Variants in NPHP4 observed in about 807,000 individuals in gnomAD.
NPHP4 encodes the protein nephrocystin-4.
NPHP4 carries 151 observed loss-of-function variants against 155.8 expected under a neutral mutation model. The ratio of observed to expected loss-of-function variants is 0.97; its 90% CI spans 0.85 to 1.11. The LOEUF is 1.11. Ranked by LOEUF, NPHP4 falls within the 50% of genes least tolerant of loss-of-function variation. The pLI, the probability that NPHP4 is intolerant of heterozygous loss-of-function variation, is 0.00. For synonymous variants in NPHP4, 845 were observed against 816.8 expected, an observed-to-expected ratio of 1.03 and a Z score of -0.59; for missense variants, 1,956 against 1,925.7, an observed-to-expected ratio of 1.02 and a Z score of -0.29.
rs1393116554 is a variant in NPHP4, at chr1:5,890,866, A to G, written c.2304+2T>C. 3 of 1,607,484 alleles carry G rather than the reference A, an allele frequency of 1.9e-6. No individual in the cohort carries two copies. The highest frequency in any genetic ancestry group is 2.6e-6 in the Non-Finnish European group (3 of 1,176,064). On this transcript the variant is annotated splice_donor_variant, in intron 17 of 29. Coordinates refer to ENST00000378156, the MANE Select transcript of NPHP4 (RefSeq NM_015102.5). LOFTEE classifies it high-confidence loss of function. The surrounding 1 kb of genome is among the most constrained non-coding windows in gnomAD (Gnocchi z 4.9). ...GTGCCTGTCCTTCCAGAGAGCCGCTACCTTCATCTGGACGGCAGCAGATCC... is the reference window on the plus strand; with the variant it reads ...GTGCCTGTCCTTCCAGAGAGCCGCTGCCTTCATCTGGACGGCAGCAGATCC...
At chr1:5,921,157 G>A (rs950275448) in intron 11 of NPHP4, among the ~76,000 whole-genome samples, 2 of 152,192 alleles carry the variant, frequency 1.3e-5, no homozygotes, top group Admixed American at 6.5e-5. Context: ...CAGAACTTGT[G>A]TTCATTCAAC....
intron 9 of NPHP4, among the ~76,000 whole-genome samples, chr1:5,943,387 C>G (rs913709361): frequency 3.3e-5 from 5 of 152,188 alleles, no homozygotes; most frequent in Admixed American, 1.3e-4. Flanking sequence ...TCCATGTTCT[C>G]ATCAGCCCAG....
chr1:5,968,669 T>C (rs933878975), intron 4 of NPHP4, among the ~76,000 whole-genome samples: 3 of 151,460 alleles, frequency 2.0e-5, no homozygotes, highest in African/African-American at 7.3e-5. Flanking sequence ...GACACACAAC[T>C]TTAGATGACA....
Position 5,936,296 on chromosome 1 carries a change from C to T in NPHP4, c.1120-2967G>A, listed in dbSNP as rs75512417. Among the ~76,000 whole-genome samples, 93 of 152,324 alleles carry T rather than the reference C, an allele frequency of 6.1e-4. No individual in the cohort carries two copies. In the East Asian group the frequency reaches 0.014, roughly 24 times the overall value. Reference sequence around the variant, plus strand: ...AATGGGGGCCTGGTGGGAAGCCAGTCGCCATGTATTTGCCCACACTTGCTC... The same window carrying T: ...AATGGGGGCCTGGTGGGAAGCCAGTTGCCATGTATTTGCCCACACTTGCTC... On this transcript the variant is annotated intron_variant, in intron 9 of 29. Transcript: ENST00000378156.
chr1:5,968,862 C>T (rs867646368), intron 4 of NPHP4, among the ~76,000 whole-genome samples: 55 of 152,136 alleles, frequency 3.6e-4, no homozygotes, highest in African/African-American at 1.1e-3. Flanking sequence ...GGCAAAACCC[C>T]GTCTCTACTA....
In NPHP4 at chr1:5,882,538, C is replaced by T. The variant is rs1570209432; in HGVS notation, c.2486-2299G>A. On this transcript the variant is annotated intron_variant, in intron 18 of 29. Transcript: ENST00000378156. The surrounding 1 kb of genome is among the most constrained non-coding windows in gnomAD (Gnocchi z 5.1). ...TGCTGACTTCCCCCTCGGCCCAGGTCCCTGCTACATCCCCATAAAGACGCA... is the reference window on the plus strand; with the variant it reads ...TGCTGACTTCCCCCTCGGCCCAGGTTCCTGCTACATCCCCATAAAGACGCA... 6.5e-6 allele frequency: 1 copy of T among 152,982 alleles called. No individual in the cohort carries two copies. The highest frequency in any genetic ancestry group is 2.4e-5 in the African/African-American group (1 of 41,586). 9.5% of individuals were successfully genotyped at this position (152,982 alleles called of 1,614,324 possible).
chr1:5,907,594 G>T (rs115549008), intron 12 of NPHP4, among the ~76,000 whole-genome samples: 1 of 152,352 alleles, frequency 6.6e-6, no homozygotes, highest in South Asian at 2.1e-4. Context: ...AGTTCTAGCC[G>T]CCTGCGTTCC....
chr1:5,865,281 G>T lies in NPHP4; in HGVS notation c.3645-8C>A. ...GTCGCCAGCCAGCGATCCCTGCAGT[G>T]GGATGGGAGCCATCTGCACTTGTCC... On this transcript the variant is annotated splice_polypyrimidine_tract_variant and splice_region_variant and intron_variant, in intron 26 of 29. Transcript: ENST00000378156. The T allele has an allele frequency of 6.5e-7, 1 of 1,539,978 alleles. No individual in the cohort carries two copies. Among genetic ancestry groups the T allele is most frequent in the Non-Finnish European group, 8.8e-7 (1 of 1,135,538 alleles).
At chr1:5,883,553 C>T (rs1490103720) in intron 18 of NPHP4, among the ~76,000 whole-genome samples, 4 of 152,216 alleles carry the variant, frequency 2.6e-5, no homozygotes, top group African/African-American at 9.7e-5. Flanking sequence ...CTGTCACGTC[C>T]CGAGGACCTG....
At chr1:5,982,004 T>C (rs1191426568) in intron 2 of NPHP4, among the ~76,000 whole-genome samples, 1 of 152,278 alleles carries the variant, frequency 6.6e-6, no homozygotes, top group Non-Finnish European at 1.5e-5. Flanking sequence ...TTCGTCTTAT[T>C]TCTTCCTTTA....
chr1:5,967,506 C>G, intron 4 of NPHP4, 143 bp from the exon 5 acceptor site: 1 of 654,668 alleles, frequency 1.5e-6, no homozygotes, highest in Non-Finnish European at 2.7e-6. Flanking sequence ...GCAGAGGCAG[C>G]TGAGGCCAGC....
intron 13 of NPHP4, among the ~76,000 whole-genome samples, chr1:5,906,644 C>T (rs1357473388): frequency 1.3e-5 from 2 of 152,244 alleles, no homozygotes; most frequent in Non-Finnish European, 2.9e-5. Context: ...GGAAACCAAA[C>T]TCCATAGGAA....
In NPHP4 at chr1:5,867,823, A is replaced by C. The variant is rs752042066; in HGVS notation, c.3389T>G (p.Val1130Gly). 4 of 1,613,700 alleles carry C rather than the reference A, an allele frequency of 2.5e-6. No homozygotes were observed. The Admixed American group carries it at 5.0e-5, about 20-fold the overall frequency. The change falls in exon 24 of 30, where the codon GTG becomes GGG. Residue 1130 changes from valine to glycine, a missense_variant. By Grantham distance (109) the Val-to-Gly change is moderately radical. Transcript: ENST00000378156. The surrounding 1 kb of genome is among the most constrained non-coding windows in gnomAD (Gnocchi z 4.1). ...CLTVELQPHV[V>G]DQVFRFYHPE... Reference sequence around the variant, plus strand: ...GTGATAGAAGCGGAAGACCTGGTCCACCACGTGGGGCTGCAGCTCCACAGT... The same window carrying C: ...GTGATAGAAGCGGAAGACCTGGTCCCCCACGTGGGGCTGCAGCTCCACAGT...
intron 2 of NPHP4, among the ~76,000 whole-genome samples, chr1:5,984,609 A>G (rs1655190975): frequency 6.6e-6 from 1 of 152,220 alleles, no homozygotes; most frequent in South Asian, 2.1e-4. Context: ...AAATAAATGT[A>G]GGTATATTTA....
intron 11 of NPHP4, among the ~76,000 whole-genome samples, chr1:5,914,151 A>T (rs2101426486): frequency 6.7e-6 from 1 of 149,858 alleles, no homozygotes; most frequent in Admixed American, 6.7e-5. Flanking sequence ...TGGACATGGT[A>T]GCTCATGCCT....
At chr1:5,985,773 G>A (rs764181862) in intron 2 of NPHP4, among the ~76,000 whole-genome samples, 2 of 152,200 alleles carry the variant, frequency 1.3e-5, no homozygotes, top group Non-Finnish European at 2.9e-5. Context: ...AATCAATACA[G>A]ATGCTCTTTG....
At chr1:5,973,483 A>G (rs1652961474) in intron 3 of NPHP4, among the ~76,000 whole-genome samples, 2 of 152,180 alleles carry the variant, frequency 1.3e-5, no homozygotes, top group Non-Finnish European at 2.9e-5. Flanking sequence ...GCTACTTGGG[A>G]GGCTGAGGAG....
chr1:5,872,305 T>A (rs940875576), intron 23 of NPHP4, among the ~76,000 whole-genome samples: 2 of 152,172 alleles, frequency 1.3e-5, no homozygotes, highest in Non-Finnish European at 2.9e-5. Context: ...CTCACAACGG[T>A]AAGGCCCGTC....
In NPHP4 at chr1:5,877,241, A is replaced by G; in HGVS notation, c.2669T>C (p.Met890Thr). 1.9e-6 allele frequency: 3 copies of G among 1,608,636 alleles called. No individual in the cohort carries two copies. The highest frequency in any genetic ancestry group is 2.5e-6 in the Non-Finnish European group (3 of 1,176,482). Residue 890 changes from methionine (M) to threonine (T), a missense_variant, in exon 20 of 30, where the codon ATG becomes ACG. Coordinates refer to ENST00000378156, the MANE Select transcript of NPHP4 (RefSeq NM_015102.5). ...GCCCTGCCGGGCATGGGTCAGTAGC[A>G]TGGCAGCCAGCTCACTGTCCACGTC... ...LADVDSELAA[M>T]LLTHARQGKG...
Sources: allele counts gnomAD v4.1 joint callset (sites outside exome capture counted in the v4.1 genomes callset), GRCh38; gene constraint gnomAD v4.1.1; non-coding constraint Gnocchi (gnomAD v3.1); transcripts MANE v1.5; gene names NCBI Gene and HGNC (gene_info 2026-07-23, HGNC 2026-07-21).